SMYD3: variants seen among roughly 807,000 people sequenced by gnomAD.
The protein encoded by SMYD3 is SET and MYND domain containing 3, also known as histone-lysine N-methyltransferase SMYD3.
SMYD3 carries 36 observed loss-of-function variants against 57.7 expected under a neutral mutation model. The ratio of observed to expected loss-of-function variants is 0.62; its 90% CI spans 0.48 to 0.82. SMYD3 has a LOEUF of 0.82. SMYD3 is among the 40% of genes least tolerant of loss of function. The pLI is 0.00. For synonymous variants in SMYD3, 211 were observed against 195.0 expected (o/e 1.08, Z -0.68); for missense variants, 515 against 538.8 (o/e 0.96, Z 0.44).
intron 5 of SMYD3, among the ~76,000 whole-genome samples, chr1:246,053,800 A>T (rs1006119923): frequency 4.6e-5 from 7 of 152,108 alleles, no homozygotes; most frequent in Admixed American, 4.6e-4. Context: ...AAAAAAAAAA[A>T]GATTATAAAT....
chr1:245,813,206 C>T lies in SMYD3; in HGVS notation c.1076+45290G>A, dbSNP rs368445897. On this transcript the variant is annotated intron_variant, in intron 10 of 11. Transcript: ENST00000490107. ...ATTTTTGTATTTTTAGGAGAGACGG[C>T]GTTTCACTATGTTGGCCAGCCTGGT... 6.7e-4 allele frequency among the ~76,000 whole-genome samples: 101 copies of T among 151,792 alleles called. 1 individual carries two copies. In the East Asian group the frequency reaches 0.018, roughly 27 times the overall value.
chr1:245,852,059 G>A (rs987411068), intron 10 of SMYD3, among the ~76,000 whole-genome samples: 2 of 152,200 alleles, frequency 1.3e-5, no homozygotes, highest in South Asian at 4.1e-4. Flanking sequence ...ATGAAGGCAT[G>A]GTATGTGAAG....
intron 5 of SMYD3, among the ~76,000 whole-genome samples, chr1:246,260,507 A>G (rs1346437991): frequency 6.6e-6 from 1 of 151,648 alleles, no homozygotes; most frequent in Admixed American, 6.6e-5. Context: ...CTGGAGTGCA[A>G]TGGCCCGACC....
At chr1:245,939,394 G>A (rs2057126247) in intron 5 of SMYD3, among the ~76,000 whole-genome samples, 1 of 152,088 alleles carries the variant, frequency 6.6e-6, no homozygotes, top group East Asian at 1.9e-4. Flanking sequence ...GGGAGGCCAA[G>A]GCGGGTGGAT....
At chr1:246,390,244 C>G (rs566201223) in intron 1 of SMYD3, among the ~76,000 whole-genome samples, 16 of 69,872 alleles carry the variant, frequency 2.3e-4, no homozygotes, top group African/African-American at 6.4e-4. Flanking sequence ...AAAAAAAAAG[C>G]AAACTCCATA....
At chr1:246,429,327 G>A (rs1477375436) in intron 1 of SMYD3, among the ~76,000 whole-genome samples, 4 of 152,104 alleles carry the variant, frequency 2.6e-5, no homozygotes, top group Admixed American at 6.5e-5. Context: ...TTCATCAAAT[G>A]TAAGATGCTA....
intron 5 of SMYD3, among the ~76,000 whole-genome samples, chr1:246,213,161 A>G (rs2063114882): frequency 2.0e-5 from 3 of 152,178 alleles, no homozygotes; most frequent in Admixed American, 2.0e-4. Flanking sequence ...TCAATCTCAT[A>G]TGATGTCGAC....
chr1:246,443,155 A>G (rs10802405), intron 1 of SMYD3, among the ~76,000 whole-genome samples: 112,899 of 152,014 alleles, frequency 0.74, 43,189 homozygotes, highest in Non-Finnish European at 0.83. Flanking sequence ...CATGCCTAAG[A>G]AATTTTCCTC....
At chr1:245,818,675 G>A (rs896343005) in intron 10 of SMYD3, among the ~76,000 whole-genome samples, 5 of 151,704 alleles carry the variant, frequency 3.3e-5, no homozygotes, top group Non-Finnish European at 5.9e-5. Flanking sequence ...ACACACATAG[G>A]CTCAAAATAA....
intron 1 of SMYD3, among the ~76,000 whole-genome samples, chr1:246,457,574 GA>G (rs1280552080): frequency 8.1e-5 from 11 of 135,768 alleles, no homozygotes; most frequent in South Asian, 2.5e-4. Context: ...GAAAAGAAAA[GA>G]AAAAGAAAAA....
intron 11 of SMYD3, among the ~76,000 whole-genome samples, chr1:245,755,230 CTAATT>C (rs1381514101): frequency 6.6e-6 from 1 of 152,182 alleles, no homozygotes; most frequent in Non-Finnish European, 1.5e-5. Flanking sequence ...TTACTGATTT[CTAATT>C]TAATTCCATT....
At chr1:245,984,346 C>CA (rs1233307905) in intron 5 of SMYD3, among the ~76,000 whole-genome samples, 6 of 152,076 alleles carry the variant, frequency 3.9e-5, no homozygotes, top group African/African-American at 1.4e-4. Context: ...CTTCCTAGTT[C>CA]AAAAAGAAAA....
intron 5 of SMYD3, among the ~76,000 whole-genome samples, chr1:246,269,012 G>T (rs888978243): frequency 1.3e-5 from 2 of 152,064 alleles, no homozygotes; most frequent in Admixed American, 1.3e-4. Context: ...TACTAAATTA[G>T]AATCAGTAAA....
chr1:246,461,570 G>C (rs745861991), intron 1 of SMYD3, among the ~76,000 whole-genome samples: 1 of 151,580 alleles, frequency 6.6e-6, no homozygotes, highest in Non-Finnish European at 1.5e-5. Context: ...TGTTTTGCTA[G>C]AGAGAATTAG....
At chr1:245,847,631 G>A (rs974110322) in intron 10 of SMYD3, among the ~76,000 whole-genome samples, 5 of 152,160 alleles carry the variant, frequency 3.3e-5, no homozygotes, top group African/African-American at 1.2e-4. Flanking sequence ...AGAAAAGAGA[G>A]CAGCTTGGTA....
intron 5 of SMYD3, among the ~76,000 whole-genome samples, chr1:246,258,709 T>C (rs1043322965): frequency 6.6e-5 from 10 of 152,180 alleles, no homozygotes; most frequent in African/African-American, 2.4e-4. Context: ...GTGATGTTCA[T>C]TTTGTATAGT....
chr1:245,809,192 T>C (rs1235971096), intron 10 of SMYD3, among the ~76,000 whole-genome samples: 4 of 152,224 alleles, frequency 2.6e-5, no homozygotes, highest in African/African-American at 7.2e-5. Flanking sequence ...TTGTTATTAG[T>C]GATCATTTGG....
At chr1:246,249,722 C>A (rs944175460) in intron 5 of SMYD3, among the ~76,000 whole-genome samples, 1 of 152,108 alleles carries the variant, frequency 6.6e-6, no homozygotes, top group Non-Finnish European at 1.5e-5. Flanking sequence ...TATTTATGTA[C>A]TTCCAAAACT....
At chr1:245,759,615 A>G (rs958065350) in intron 11 of SMYD3, among the ~76,000 whole-genome samples, 1 of 152,236 alleles carries the variant, frequency 6.6e-6, no homozygotes, top group African/African-American at 2.4e-5. Context: ...AAATCAGGGC[A>G]GCCGATGCAG....
Sources: allele counts gnomAD v4.1 joint callset (sites outside exome capture counted in the v4.1 genomes callset), GRCh38; gene constraint gnomAD v4.1.1; transcripts MANE v1.5; gene names NCBI Gene and HGNC (gene_info 2026-07-23, HGNC 2026-07-21).